The following SAMTOR variants were observed in gnomAD, a reference collection of about 807,000 sequenced individuals.
SAMTOR encodes the protein S-adenosylmethionine sensor upstream of mTORC1.
chr7:112,918,825 C>A, the SAMTOR span, among the ~76,000 whole-genome samples: 6 of 152,162 alleles, frequency 3.9e-5, no homozygotes, highest in East Asian at 9.6e-4. Flanking sequence ...AGACTTTAAA[C>A]CAACAAAGAT....
the SAMTOR span, chr7:112,939,762 C>G: frequency 6.4e-7 from 1 of 1,573,636 alleles, no homozygotes; most frequent in East Asian, 2.3e-5. Context: ...TCGCAGCCGC[C>G]GCCGCCGCCG....
the SAMTOR span, among the ~76,000 whole-genome samples, chr7:112,934,315 A>G: frequency 1.3e-5 from 2 of 152,236 alleles, no homozygotes; most frequent in African/African-American, 2.4e-5. Flanking sequence ...GAGGGCTTCC[A>G]AATCCTAAAC....
chr7:112,872,949 G>A, the SAMTOR span, among the ~76,000 whole-genome samples: 4 of 151,326 alleles, frequency 2.6e-5, no homozygotes, highest in Admixed American at 6.6e-5. Flanking sequence ...GTGCACGTGC[G>A]TGCACACACC....
chr7:112,910,988 A>G, the SAMTOR span, among the ~76,000 whole-genome samples: 1 of 152,162 alleles, frequency 6.6e-6, no homozygotes, highest in African/African-American at 2.4e-5. Flanking sequence ...TCCTTCCAAA[A>G]TGAGAAGGGA....
chr7:112,905,648 T>C, the SAMTOR span, among the ~76,000 whole-genome samples: 3 of 152,306 alleles, frequency 2.0e-5, no homozygotes, highest in Non-Finnish European at 2.9e-5. Context: ...TAATTCACTA[T>C]ATTCATAAAT....
the SAMTOR span, among the ~76,000 whole-genome samples, chr7:112,856,552 A>ATTTT: frequency 6.6e-6 from 1 of 152,222 alleles, no homozygotes; most frequent in Non-Finnish European, 1.5e-5. Context: ...GGATGTAAAG[A>ATTTT]AGCAAATACC....
chr7:112,902,428 ACAAAAAAAAACAAAAAAAAAC>A, the SAMTOR span, among the ~76,000 whole-genome samples: 73 of 54,412 alleles, frequency 1.3e-3, 16 homozygotes, highest in East Asian at 2.0e-3. Context: ...AAAAAAAAAA[ACAAAAAAAAACAAAAAAAAAC>A]AAAAAAAAAA....
the SAMTOR span, among the ~76,000 whole-genome samples, chr7:112,907,404 A>G: frequency 2.0e-5 from 3 of 152,152 alleles, no homozygotes; most frequent in African/African-American, 7.2e-5. Context: ...CGAGTGAATA[A>G]CAAATTGTTA....
At chr7:112,916,524 C>G in the SAMTOR span, among the ~76,000 whole-genome samples, 1 of 152,164 alleles carries the variant, frequency 6.6e-6, no homozygotes, top group Non-Finnish European at 1.5e-5. Flanking sequence ...AAGCAGAAGA[C>G]AGGTGATTTC....
At chr7:112,907,781 T>C in the SAMTOR span, among the ~76,000 whole-genome samples, 1 of 151,932 alleles carries the variant, frequency 6.6e-6, no homozygotes, top group African/African-American at 2.4e-5. Flanking sequence ...CGGAGAAAAA[T>C]TCAATAGCTG....
chr7:112,843,566 C>T, the SAMTOR span, among the ~76,000 whole-genome samples: 2 of 152,102 alleles, frequency 1.3e-5, no homozygotes, highest in African/African-American at 4.8e-5. Context: ...TTCCTGAACA[C>T]ATATCCCCTT....
chr7:112,902,676 T>C, the SAMTOR span, among the ~76,000 whole-genome samples: 15 of 152,074 alleles, frequency 9.9e-5, no homozygotes, highest in Non-Finnish European at 1.9e-4. Flanking sequence ...CTCTAACAAA[T>C]GTACCACTCT....
chr7:112,830,088 C>T, the SAMTOR span, among the ~76,000 whole-genome samples: 1 of 151,932 alleles, frequency 6.6e-6, no homozygotes, highest in Non-Finnish European at 1.5e-5. Flanking sequence ...CTCTCAACTC[C>T]CTAGGACTCT....
chr7:112,916,723 T>A, the SAMTOR span, among the ~76,000 whole-genome samples: 1 of 151,970 alleles, frequency 6.6e-6, no homozygotes, highest in Admixed American at 6.5e-5. Flanking sequence ...ACCTGGAAAA[T>A]CGGGTCACTC....
the SAMTOR span, among the ~76,000 whole-genome samples, chr7:112,879,315 C>T: frequency 0.022 from 3,399 of 151,506 alleles, 65 homozygotes; most frequent in Admixed American, 0.042. Context: ...AGCTGCCATA[C>T]GCTGAGTGTG....
the SAMTOR span, among the ~76,000 whole-genome samples, chr7:112,843,910 C>T: frequency 1.3e-5 from 2 of 152,110 alleles, no homozygotes; most frequent in South Asian, 4.1e-4. Flanking sequence ...TCCAGCAGCA[C>T]ATTGAAAAGC....
At chr7:112,882,505 A>G in the SAMTOR span, among the ~76,000 whole-genome samples, 1 of 152,172 alleles carries the variant, frequency 6.6e-6, no homozygotes, top group Non-Finnish European at 1.5e-5. Context: ...CCTGGCCAAC[A>G]TGGTGAAACC....
chr7:112,926,736 T>C, the SAMTOR span, among the ~76,000 whole-genome samples: 8 of 152,248 alleles, frequency 5.3e-5, no homozygotes, highest in East Asian at 1.5e-3. Flanking sequence ...ATAAAGTTAA[T>C]GAGCAGGCAT....
the SAMTOR span, among the ~76,000 whole-genome samples, chr7:112,920,800 C>G: frequency 6.6e-6 from 1 of 151,794 alleles, no homozygotes; most frequent in Non-Finnish European, 1.5e-5. Flanking sequence ...TTCTTATACA[C>G]CAATAACAGA....
Sources: gnomAD v4.1 joint callset for allele counts (sites outside exome capture counted in the v4.1 genomes callset) on GRCh38, gnomAD v4.1.1 for gene constraint, MANE v1.5 for transcripts, NCBI Gene and HGNC (gene_info 2026-07-23, HGNC 2026-07-21) for gene names.